Variants in CCNY observed in about 807,000 individuals in gnomAD.
The protein encoded by CCNY is cyclin-Y.
In CCNY, 19 loss-of-function variants were observed where a neutral mutation model predicts 42.8. The observed-to-expected ratio is 0.44, with a 90% CI of 0.31 to 0.65. The LOEUF (loss-of-function observed/expected upper bound fraction) is 0.65, where lower values mean the gene tolerates loss of function less well. Ranked by LOEUF, CCNY falls within the 30% of genes least tolerant of loss-of-function variation. The pLI is 0.07. For missense variants in CCNY, 370 were observed against 437.3 expected, an observed-to-expected ratio of 0.85 and a Z score of 1.37; for synonymous variants, 165 against 162.7, an observed-to-expected ratio of 1.01 and a Z score of -0.11.
At chr10:35,362,906 C>T (rs1003255877) in intron 1 of CCNY, among the ~76,000 whole-genome samples, 11 of 149,616 alleles carry the variant, frequency 7.4e-5, no homozygotes, top group Non-Finnish European at 1.6e-4. Context: ...CCAGATAGGG[C>T]GGCAGCCGGA....
At chr10:35,370,244 C>T (rs542049494) in intron 1 of CCNY, among the ~76,000 whole-genome samples, 8 of 151,990 alleles carry the variant, frequency 5.3e-5, no homozygotes, top group African/African-American at 1.4e-4. Flanking sequence ...CTCCGCTTCC[C>T]GGGTTCACTC....
At chr10:35,534,925 CA>C (rs1007712740) in intron 7 of CCNY, among the ~76,000 whole-genome samples, 2 of 149,210 alleles carry the variant, frequency 1.3e-5, no homozygotes, top group African/African-American at 5.0e-5. Flanking sequence ...TTTTTTATTG[CA>C]AATAATATTC....
At chr10:35,249,551 A>C (rs1304269942) in intron 2 of CCNY, among the ~76,000 whole-genome samples, 1 of 152,244 alleles carries the variant, frequency 6.6e-6, no homozygotes, top group East Asian at 1.9e-4. Flanking sequence ...ACCTGAAAGC[A>C]AGAAAATTAC....
intron 1 of CCNY, among the ~76,000 whole-genome samples, chr10:35,443,713 C>A (rs975273901): frequency 6.6e-6 from 1 of 152,186 alleles, no homozygotes; most frequent in Non-Finnish European, 1.5e-5. Context: ...GTGTTCTTAG[C>A]CCCCATCTTT....
chr10:35,569,505 G>T lies in CCNY; in HGVS notation c.*335G>T, dbSNP rs1233980625. ...CCGGCCCTCTGGAGTCCCCATGGGG[G>T]CGGTAGCTGAAGTTGGCGAGCGCAG... On this transcript the variant is annotated 3_prime_UTR_variant, in exon 10 of 10. Transcript: ENST00000374704. 4 of 326,152 alleles carry T rather than the reference G, an allele frequency of 1.2e-5. No individual in the cohort carries two copies. Among genetic ancestry groups the T allele is most frequent in the Non-Finnish European group, 2.3e-5 (4 of 171,092 alleles). The allele number at this position is 326,152 out of a possible 1,614,324, so 20.2% of individuals were successfully genotyped here.
chr10:35,274,640 G>A (rs1835216318), intron 3 of CCNY, among the ~76,000 whole-genome samples: 2 of 152,190 alleles, frequency 1.3e-5, no homozygotes, highest in African/African-American at 2.4e-5. Flanking sequence ...TCTGTGGAAT[G>A]TCCAGATGGC....
intron 2 of CCNY, among the ~76,000 whole-genome samples, chr10:35,489,232 C>G (rs192431051): frequency 4.5e-4 from 68 of 152,266 alleles, no homozygotes; most frequent in Non-Finnish European, 7.4e-5. Flanking sequence ...GGTGAGATGC[C>G]TCTATGGGTT....
At chr10:35,394,555 C>T (rs1017033968) in intron 1 of CCNY, among the ~76,000 whole-genome samples, 4 of 152,148 alleles carry the variant, frequency 2.6e-5, no homozygotes, top group Admixed American at 6.5e-5. Flanking sequence ...ATGGGTCACA[C>T]GGCCGGCTTC....
At chr10:35,342,184 T>G (rs1485281054) in intron 1 of CCNY, among the ~76,000 whole-genome samples, 1 of 152,218 alleles carries the variant, frequency 6.6e-6, no homozygotes, top group East Asian at 1.9e-4. Flanking sequence ...CAGGGCAATT[T>G]GAAATCTAAG....
At chr10:35,553,873 T>TG (rs1001868346) in intron 8 of CCNY, among the ~76,000 whole-genome samples, 9 of 152,140 alleles carry the variant, frequency 5.9e-5, no homozygotes, top group African/African-American at 9.7e-5. Flanking sequence ...GACTGTTGTC[T>TG]GGGGGGTCTC....
At chr10:35,297,344 G>C (rs765059470) in intron 3 of CCNY, among the ~76,000 whole-genome samples, 1 of 152,024 alleles carries the variant, frequency 6.6e-6, no homozygotes, top group Non-Finnish European at 1.5e-5. Context: ...AGGCATTGAA[G>C]GAATATACGT....
intron 3 of CCNY, among the ~76,000 whole-genome samples, chr10:35,251,877 C>A (rs2095712293): frequency 6.6e-6 from 1 of 152,186 alleles, no homozygotes; most frequent in Non-Finnish European, 1.5e-5. Flanking sequence ...GCATCAGCCA[C>A]TGTGGCCAGC....
Position 35,486,038 on chromosome 10 carries a change from G to C in CCNY, c.229+2560G>C, listed in dbSNP as rs1248452887. Among the ~76,000 whole-genome samples, 3 of 152,150 alleles carry C rather than the reference G, an allele frequency of 2.0e-5. No individual in the cohort carries two copies. In the East Asian group the frequency reaches 5.8e-4, roughly 29 times the overall value. On this transcript the variant is annotated intron_variant, in intron 2 of 9. Coordinates refer to ENST00000374704, the MANE Select transcript of CCNY (RefSeq NM_145012.6). ...GTACTGTTCAAAACCCACGTATTCA[G>C]CTGCCTGCTGGACATCTTTACAATG... is the stretch of plus-strand genomic sequence containing the variant.
intron 3 of CCNY, among the ~76,000 whole-genome samples, chr10:35,279,117 T>G (rs1022361982): frequency 3.4e-5 from 5 of 148,422 alleles, no homozygotes; most frequent in East Asian, 2.0e-4. Flanking sequence ...AATGTTTTTT[T>G]TTTTTTTTTT....
chr10:35,525,865 T>C (rs1351807347), intron 4 of CCNY, 99 bp from the exon 5 acceptor site: 2 of 1,030,436 alleles, frequency 1.9e-6, no homozygotes, highest in Non-Finnish European at 1.5e-6. Context: ...GTTAGACTTT[T>C]ACTTCTGTTT....
chr10:35,569,478 G>A lies in CCNY; in HGVS notation c.*308G>A. On this transcript the variant is annotated 3_prime_UTR_variant, in exon 10 of 10. Coordinates refer to ENST00000374704, the MANE Select transcript of CCNY (RefSeq NM_145012.6). Reference sequence around the variant, plus strand: ...GAGAGGCAGGGAAAATGGTTAAGCAGCCCGGCCCTCTGGAGTCCCCATGGG... The same window carrying A: ...GAGAGGCAGGGAAAATGGTTAAGCAACCCGGCCCTCTGGAGTCCCCATGGG... The A allele has an allele frequency of 2.5e-6, 1 of 397,264 alleles. No individual in the cohort carries two copies. Among genetic ancestry groups the A allele is most frequent in the South Asian group, 2.6e-5 (1 of 38,300 alleles). The allele number at this position is 397,264 out of a possible 1,614,324, so 24.6% of individuals were successfully genotyped here.
At chr10:35,404,014 T>C (rs1243875257) in intron 1 of CCNY, among the ~76,000 whole-genome samples, 1 of 151,928 alleles carries the variant, frequency 6.6e-6, no homozygotes, top group Non-Finnish European at 1.5e-5. Context: ...GGAGGCCGGA[T>C]TGAAGTCCAG....
At chr10:35,456,331 A>G (rs1839034824) in intron 1 of CCNY, among the ~76,000 whole-genome samples, 2 of 152,180 alleles carry the variant, frequency 1.3e-5, no homozygotes, top group South Asian at 4.1e-4. Flanking sequence ...AAAGAAAGAG[A>G]ATGGAGCTTC....
chr10:35,539,107 C>G (rs1564450905), intron 7 of CCNY, among the ~76,000 whole-genome samples: 2 of 152,134 alleles, frequency 1.3e-5, no homozygotes, highest in African/African-American at 2.4e-5. Flanking sequence ...CAATTTTGTT[C>G]CATTTATCTA....
Sources: gnomAD v4.1 joint callset for allele counts (sites outside exome capture counted in the v4.1 genomes callset) on GRCh38, gnomAD v4.1.1 for gene constraint, MANE v1.5 for transcripts, NCBI Gene and HGNC (gene_info 2026-07-23, HGNC 2026-07-21) for gene names.